RNF220: variants seen among roughly 807,000 people sequenced by gnomAD.
RNF220 encodes E3 ubiquitin-protein ligase RNF220.
Under a neutral mutation model 67.1 loss-of-function variants are expected in RNF220, and 7 were observed. That is an observed-to-expected ratio of 0.10 (90% CI 0.06 to 0.20). The LOEUF (loss-of-function observed/expected upper bound fraction) is 0.20, where lower values mean the gene tolerates loss of function less well. RNF220 is among the 10% of genes least tolerant of loss of function. The pLI is 1.00. For synonymous variants in RNF220, 270 were observed against 283.2 expected (o/e 0.95, Z 0.47); for missense variants, 565 against 740.3 (o/e 0.76, Z 2.75).
At chr1:44,447,482 T>C (rs986891948) in intron 2 of RNF220, among the ~76,000 whole-genome samples, 15 of 152,350 alleles carry the variant, frequency 9.8e-5, no homozygotes, top group African/African-American at 3.6e-4. Context: ...TTTAGCACCC[T>C]TCTAAATGGT....
intron 2 of RNF220, among the ~76,000 whole-genome samples, chr1:44,497,182 C>G (rs1657413865): frequency 6.6e-6 from 1 of 152,164 alleles, no homozygotes; most frequent in African/African-American, 2.4e-5. Context: ...CAAGGCATCT[C>G]TAGAGGTCCC....
chr1:44,527,551 A>G (rs773083046), intron 2 of RNF220, among the ~76,000 whole-genome samples: 1 of 152,162 alleles, frequency 6.6e-6, no homozygotes, highest in African/African-American at 2.4e-5. Flanking sequence ...TAAGTCCAGG[A>G]GTTCAAGACC....
intron 2 of RNF220, among the ~76,000 whole-genome samples, chr1:44,510,001 G>A (rs1658843110): frequency 6.6e-6 from 1 of 151,948 alleles, no homozygotes; most frequent in Non-Finnish European, 1.5e-5. Context: ...ACTTTGGGAG[G>A]CCAAGGCGGG....
chr1:44,458,713 T>C (rs1055055404), intron 2 of RNF220, among the ~76,000 whole-genome samples: 4 of 152,218 alleles, frequency 2.6e-5, no homozygotes, highest in Non-Finnish European at 2.9e-5. Flanking sequence ...TTACATAATG[T>C]TTAATTAAAT....
chr1:44,442,681 AT>A (rs1249036057), intron 2 of RNF220, among the ~76,000 whole-genome samples: 2 of 151,626 alleles, frequency 1.3e-5, no homozygotes, highest in African/African-American at 4.8e-5. Flanking sequence ...TGCTCAGCTA[AT>A]TTTTTTGTAT....
At chr1:44,585,825 AT>A (rs1665655047) in intron 2 of RNF220, among the ~76,000 whole-genome samples, 1 of 152,180 alleles carries the variant, frequency 6.6e-6, no homozygotes, top group Non-Finnish European at 1.5e-5. Context: ...TTGTTGTGAG[AT>A]TGTCTGACCT....
At chr1:44,504,746 G>A (rs766629806) in intron 2 of RNF220, among the ~76,000 whole-genome samples, 2 of 152,140 alleles carry the variant, frequency 1.3e-5, no homozygotes, top group Admixed American at 6.6e-5. Context: ...GGCACAGACC[G>A]AGAATCTCTT....
At chr1:44,534,505 A>G (rs1158968843) in intron 2 of RNF220, among the ~76,000 whole-genome samples, 1 of 152,156 alleles carries the variant, frequency 6.6e-6, no homozygotes, top group African/African-American at 2.4e-5. Context: ...GTCAATTCAA[A>G]TTACGATTGC....
chr1:44,408,374 C>A (rs986764614), intron 1 of RNF220, among the ~76,000 whole-genome samples: 1 of 152,198 alleles, frequency 6.6e-6, no homozygotes, highest in Admixed American at 6.5e-5. Context: ...GGCCCTAGCC[C>A]GGGAACTGTG....
Position 44,650,342 on chromosome 1 carries a change from G to C in RNF220, c.1630-362G>C. 2.1e-6 allele frequency: 1 copy of C among 475,290 alleles called. No individual in the cohort carries two copies. Among genetic ancestry groups the C allele is most frequent in the Non-Finnish European group, 3.8e-6 (1 of 260,732 alleles). 29.4% of individuals were successfully genotyped at this position (475,290 alleles called of 1,614,324 possible). A position where few individuals can be genotyped will look rare whatever the true frequency, so the allele number is the denominator to read the frequency against. On this transcript the variant is annotated intron_variant, in intron 14 of 14. Transcript: ENST00000361799. This position sits in a 1 kb window ranked among gnomAD's most constrained non-coding sequence, Gnocchi z 4.3. ...TGCTCCTGCCCCTGTTCTTCGCTCAGGAGCAGCCATTAAAATGTCGCCCGG... is the reference window on the plus strand; with the variant it reads ...TGCTCCTGCCCCTGTTCTTCGCTCACGAGCAGCCATTAAAATGTCGCCCGG...
At chr1:44,605,413 A>T (rs1197905353) in intron 2 of RNF220, among the ~76,000 whole-genome samples, 1 of 152,210 alleles carries the variant, frequency 6.6e-6, no homozygotes, top group African/African-American at 2.4e-5. Flanking sequence ...CCCAGCTGGC[A>T]TCTGCCTCTT....
At chr1:44,416,607 A>G (rs549481912) in intron 2 of RNF220, among the ~76,000 whole-genome samples, 17 of 152,348 alleles carry the variant, frequency 1.1e-4, no homozygotes, top group Admixed American at 7.2e-4. Flanking sequence ...GGCGAAGTAT[A>G]CATGCTCACC....
At chr1:44,507,872 C>A (rs1042275820) in intron 2 of RNF220, among the ~76,000 whole-genome samples, 2 of 151,900 alleles carry the variant, frequency 1.3e-5, no homozygotes, top group South Asian at 2.1e-4. Context: ...GGTGCCCCCC[C>A]CTCACCACAC....
Position 44,644,959 on chromosome 1 carries a change from C to T in RNF220, c.1224-36C>T, listed in dbSNP as rs768693048. The T allele has an allele frequency of 5.0e-6, 8 of 1,609,482 alleles. No individual in the cohort carries two copies. The East Asian group carries it at 1.8e-4, about 36-fold the overall frequency. On this transcript the variant is annotated intron_variant, in intron 9 of 14. Transcript: ENST00000361799. ...AGGATTCAACCCTCATAGCCTGCTG[C>T]AAACTAGGATCCATTGTCCTTGACC...
chr1:44,625,619 G>A (rs1643915677), intron 4 of RNF220, among the ~76,000 whole-genome samples: 2 of 152,182 alleles, frequency 1.3e-5, no homozygotes, highest in Admixed American at 6.5e-5. Context: ...CCAGTTTGCA[G>A]CTGAACAGGC....
intron 1 of RNF220, among the ~76,000 whole-genome samples, chr1:44,409,903 A>G (rs956419312): frequency 6.7e-6 from 1 of 150,164 alleles, no homozygotes; most frequent in Non-Finnish European, 1.5e-5. Context: ...AAAAAAAAGA[A>G]AAAAAGCACT....
Position 44,555,619 on chromosome 1 carries a change from C to T in RNF220, c.626-58546C>T, listed in dbSNP as rs192704760. Reference sequence around the variant, plus strand: ...CCTCTGGAGTAGCTGGGACTACAGGCGCCTGCCACCATGCCTAGCTAATTT... The same window carrying T: ...CCTCTGGAGTAGCTGGGACTACAGGTGCCTGCCACCATGCCTAGCTAATTT... On this transcript the variant is annotated intron_variant, in intron 2 of 14. Transcript: ENST00000361799. Among the ~76,000 whole-genome samples, 412 of 150,730 alleles carry T rather than the reference C, an allele frequency of 2.7e-3. 12 individuals carry two copies. The highest frequency in any genetic ancestry group is 0.015 in the East Asian group (74 of 4,942).
chr1:44,451,868 C>G (rs545537897), intron 2 of RNF220, among the ~76,000 whole-genome samples: 1 of 152,338 alleles, frequency 6.6e-6, no homozygotes, highest in African/African-American at 2.4e-5. Context: ...ATCCGCCCAC[C>G]TGGGCCTCCC....
At chr1:44,495,713 C>T (rs1657285456) in intron 2 of RNF220, among the ~76,000 whole-genome samples, 1 of 152,214 alleles carries the variant, frequency 6.6e-6, no homozygotes, top group South Asian at 2.1e-4. Flanking sequence ...GGATTACAGA[C>T]ATTAGCCACA....
Sources: gnomAD v4.1 joint callset for allele counts (sites outside exome capture counted in the v4.1 genomes callset) on GRCh38, gnomAD v4.1.1 for gene constraint, Gnocchi (gnomAD v3.1) non-coding constraint, MANE v1.5 for transcripts, NCBI Gene and HGNC (gene_info 2026-07-23, HGNC 2026-07-21) for gene names.